The following BANK1 variants were observed in gnomAD, a reference collection of about 807,000 sequenced individuals.
BANK1 encodes the protein B cell scaffold protein with ankyrin repeats 1, also known as B-cell scaffold protein with ankyrin repeats.
A neutral mutation model predicts 94.5 loss-of-function variants in BANK1; 95 were observed. The observed-to-expected ratio is 1.00, with a 90% CI of 0.85 to 1.19. The LOEUF (loss-of-function observed/expected upper bound fraction) is 1.19. Ranked by LOEUF, BANK1 falls within the 50% of genes most tolerant of loss-of-function variation. The pLI, the probability that BANK1 is intolerant of heterozygous loss-of-function variation, is 0.00. For missense variants in BANK1, 987 were observed against 932.2 expected, an observed-to-expected ratio of 1.06 and a Z score of -0.77; for synonymous variants, 334 against 308.4, an observed-to-expected ratio of 1.08 and a Z score of -0.87.
rs1376900467 is a variant in BANK1 at position 101,803,804 on chromosome 4, C to T, written c.70+12854C>T. Among the ~76,000 whole-genome samples the T allele has an allele frequency of 4.0e-5, 6 of 150,198 alleles. No individual in the cohort carries two copies. In the East Asian group the frequency reaches 5.9e-4, roughly 15 times the overall value. ...CGAGGTCAGGAGATCGAGACCATCCCGGCTAAAACGGTGAAACCCCGTCTC... is the reference window on the plus strand; with the variant it reads ...CGAGGTCAGGAGATCGAGACCATCCTGGCTAAAACGGTGAAACCCCGTCTC... On this transcript the variant is annotated intron_variant, in intron 1 of 16. Coordinates refer to ENST00000322953, the MANE Select transcript of BANK1 (RefSeq NM_017935.5).
At chr4:101,822,241 A>T (rs1005289635) in intron 1 of BANK1, among the ~76,000 whole-genome samples, 5 of 152,112 alleles carry the variant, frequency 3.3e-5, no homozygotes, top group African/African-American at 1.2e-4. Context: ...ATGGTGGTGC[A>T]TACCTGTGGT....
intron 7 of BANK1, among the ~76,000 whole-genome samples, chr4:101,956,299 G>A (rs1724336509): frequency 2.0e-5 from 3 of 152,158 alleles, no homozygotes; most frequent in African/African-American, 7.2e-5. Context: ...GCTCTATCCT[G>A]TATTTCCATG....
intron 7 of BANK1, among the ~76,000 whole-genome samples, chr4:101,968,984 C>T (rs938430622): frequency 6.6e-6 from 1 of 152,050 alleles, no homozygotes; most frequent in African/African-American, 2.4e-5. Context: ...TTGTTAGTTT[C>T]GGGTTTCAGA....
rs1724492082 is a variant in BANK1, at chr4:101,959,496, A to G, written c.1206+41307A>G. Among the ~76,000 whole-genome samples, 4 of 152,206 alleles carry G rather than the reference A, an allele frequency of 2.6e-5. No individual in the cohort carries two copies. In the South Asian group the frequency reaches 8.3e-4, roughly 32 times the overall value. On this transcript the variant is annotated intron_variant, in intron 7 of 16. Coordinates refer to ENST00000322953, the MANE Select transcript of BANK1 (RefSeq NM_017935.5). ...CAGACAAGGAAAATTGAGATAGGAC[A>G]TCTATTTGGAATTTGAAAAATTCAA...
At chr4:101,920,903 T>A (rs1722979787) in intron 7 of BANK1, among the ~76,000 whole-genome samples, 1 of 151,742 alleles carries the variant, frequency 6.6e-6, no homozygotes, top group African/African-American at 2.4e-5. Context: ...GCACCATGTC[T>A]TATTGTTAGG....
chr4:101,930,662 C>T (rs1202553624), intron 7 of BANK1, among the ~76,000 whole-genome samples: 11 of 151,484 alleles, frequency 7.3e-5, no homozygotes, highest in Admixed American at 6.6e-4. Context: ...TGTAACAGCT[C>T]AGTCCTACTA....
At chr4:102,070,080 G>C (rs540437556) in intron 13 of BANK1, among the ~76,000 whole-genome samples, 1 of 152,104 alleles carries the variant, frequency 6.6e-6, no homozygotes, top group African/African-American at 2.4e-5. Context: ...TTGACAGAGG[G>C]GCATAAGGCA....
At chr4:101,972,258 A>G (rs1724982015) in intron 7 of BANK1, among the ~76,000 whole-genome samples, 1 of 151,822 alleles carries the variant, frequency 6.6e-6, no homozygotes, top group South Asian at 2.1e-4. Flanking sequence ...TCTTCCCTTG[A>G]TTTCTCTTTT....
chr4:101,927,286 A>G (rs1175192343), intron 7 of BANK1, among the ~76,000 whole-genome samples: 1 of 151,686 alleles, frequency 6.6e-6, no homozygotes, highest in Non-Finnish European at 1.5e-5. Context: ...AGCTTTCACA[A>G]GAACAGCATG....
chr4:101,852,272 A>G (rs1262454235), intron 2 of BANK1, among the ~76,000 whole-genome samples: 2 of 151,688 alleles, frequency 1.3e-5, no homozygotes, highest in East Asian at 3.9e-4. Flanking sequence ...TGCAATCTTC[A>G]TCATTTCATT....
At chr4:101,954,711 A>C (rs1224834516) in intron 7 of BANK1, among the ~76,000 whole-genome samples, 2 of 152,174 alleles carry the variant, frequency 1.3e-5, no homozygotes, top group African/African-American at 4.8e-5. Flanking sequence ...CAGTTTGCCA[A>C]CATGCCATCA....
Position 101,830,151 on chromosome 4 carries a change from A to G in BANK1, c.414A>G (p.Ser138=). ...TCTCTCAAAGCAGATGGGAGATCTCAACTGAACAGGAACCTGAAGACTACA... is the reference window on the plus strand; with the variant it reads ...TCTCTCAAAGCAGATGGGAGATCTCGACTGAACAGGAACCTGAAGACTACA... ...LNISQSRWEI[S]TEQEPEDYIS... The change falls in exon 2 of 17, where the codon TCA becomes TCG. Residue 138 remains serine (S), a synonymous_variant. Transcript: ENST00000322953. The G allele has an allele frequency of 6.2e-7, 1 of 1,604,876 alleles. No homozygotes were observed. Among genetic ancestry groups the G allele is most frequent in the Non-Finnish European group, 8.5e-7 (1 of 1,177,058 alleles).
chr4:101,951,032 C>G lies in BANK1; in HGVS notation c.1206+32843C>G, dbSNP rs140929585. ...ATGACAACCAAATGTAATGTAGTAT[C>G]CTGGATGGAACCTTGGAACAGAAAA... On this transcript the variant is annotated intron_variant, in intron 7 of 16. Coordinates refer to ENST00000322953, the MANE Select transcript of BANK1 (RefSeq NM_017935.5). Among the ~76,000 whole-genome samples, 1,453 of 152,172 alleles carry G rather than the reference C, an allele frequency of 9.5e-3. 13 individuals are homozygous for G. Among genetic ancestry groups the G allele is most frequent in the Non-Finnish European group, 0.015 (1,001 of 67,996 alleles).
chr4:101,838,250 T>C (rs1413017724), intron 2 of BANK1, among the ~76,000 whole-genome samples: 2 of 152,146 alleles, frequency 1.3e-5, no homozygotes, highest in East Asian at 3.8e-4. Context: ...TGAACCATCA[T>C]GCCCAGCCTC....
At chr4:102,031,199 A>G (rs1332010983) in intron 10 of BANK1, among the ~76,000 whole-genome samples, 1 of 152,192 alleles carries the variant, frequency 6.6e-6, no homozygotes, top group African/African-American at 2.4e-5. Flanking sequence ...AGTGATGATG[A>G]GCATTTTTTC....
intron 1 of BANK1, among the ~76,000 whole-genome samples, chr4:101,794,855 G>C (rs1371545455): frequency 6.6e-6 from 1 of 151,962 alleles, no homozygotes; most frequent in Admixed American, 6.6e-5. Flanking sequence ...TCTTTTACAA[G>C]ATTTCCTTTA....
intron 6 of BANK1, among the ~76,000 whole-genome samples, chr4:101,913,909 C>T (rs748811864): frequency 6.6e-6 from 1 of 152,166 alleles, no homozygotes; most frequent in African/African-American, 2.4e-5. Flanking sequence ...GTCAACTCAT[C>T]ATGCAGGTGC....
At chr4:101,849,763 G>A (rs907213951) in intron 2 of BANK1, among the ~76,000 whole-genome samples, 15 of 152,046 alleles carry the variant, frequency 9.9e-5, no homozygotes, top group African/African-American at 3.6e-4. Context: ...CTAAACATCA[G>A]TGAAGTTTCA....
At chr4:102,052,688 T>C (rs1728092646) in intron 11 of BANK1, among the ~76,000 whole-genome samples, 1 of 152,192 alleles carries the variant, frequency 6.6e-6, no homozygotes, top group Admixed American at 6.5e-5. Context: ...TTTATAAATA[T>C]TTTAACTTTT....
Sources: gnomAD v4.1 joint callset for allele counts (sites outside exome capture counted in the v4.1 genomes callset) on GRCh38, gnomAD v4.1.1 for gene constraint, MANE v1.5 for transcripts, NCBI Gene and HGNC (gene_info 2026-07-23, HGNC 2026-07-21) for gene names.